MGAT5: variants seen among roughly 807,000 people sequenced by gnomAD.
MGAT5 encodes the protein alpha-1,6-mannosylglycoprotein 6-beta-N-acetylglucosaminyltransferase, also known as alpha-1,6-mannosylglycoprotein 6-beta-N-acetylglucosaminyltransferase A.
MGAT5 carries 30 observed loss-of-function variants against 94.3 expected under a neutral mutation model. The ratio of observed to expected loss-of-function variants is 0.32; its 90% confidence interval spans 0.24 to 0.43. The LOEUF is 0.43. Ranked by LOEUF, MGAT5 falls within the 20% of genes least tolerant of loss-of-function variation. The pLI is 1.00. For missense variants in MGAT5, 691 were observed against 905.5 expected, an observed-to-expected ratio of 0.76 and a Z score of 3.04; for synonymous variants, 310 against 322.9, an observed-to-expected ratio of 0.96 and a Z score of 0.43.
At chr2:134,119,984 A>C (rs1421367482), upstream of MGAT5, 3 of 151,806 alleles carry the variant, frequency 2.0e-5, no homozygotes, top group Admixed American at 2.0e-4. Context: ...TGGCTAGGGG[A>C]AGGTTGCCAG....
In MGAT5 at chr2:134,454,133, C is replaced by T. The variant is rs1380391666; in HGVS notation, c.*5286C>T. The T allele has an allele frequency of 6.6e-6, 1 of 152,218 alleles. No individual in the cohort carries two copies. The highest frequency in any genetic ancestry group is 6.5e-5 in the Admixed American group (1 of 15,274). The allele number at this position is 152,218 out of a possible 1,614,324, so 9.4% of individuals were successfully genotyped here. A position where few individuals can be genotyped will look rare whatever the true frequency, so the allele number is the denominator to read the frequency against. ...CCACCCTGACCCCACGGCTGGAGAA[C>T]CCTGTGCTTATGTGGTGGGCAGGGC... On this transcript the variant is annotated 3_prime_UTR_variant, in exon 16 of 16. Transcript: ENST00000281923.
chr2:134,234,493 C>T (rs1045729351), intron 1 of MGAT5, among the ~76,000 whole-genome samples: 1 of 152,242 alleles, frequency 6.6e-6, no homozygotes, highest in Non-Finnish European at 1.5e-5. Context: ...TAAGACACAG[C>T]AATGTGGCTC....
intron 8 of MGAT5, among the ~76,000 whole-genome samples, chr2:134,348,207 C>A (rs2106037811): frequency 6.6e-6 from 1 of 152,308 alleles, no homozygotes; most frequent in Non-Finnish European, 1.5e-5. Flanking sequence ...AAACACTGAT[C>A]AGTTCCTTGG....
At chr2:134,376,749 C>G (rs1204234393) in intron 10 of MGAT5, among the ~76,000 whole-genome samples, 3 of 152,142 alleles carry the variant, frequency 2.0e-5, no homozygotes, top group Non-Finnish European at 4.4e-5. Flanking sequence ...GGCCAGAGAC[C>G]AAAATATTGA....
chr2:134,444,312 G>A (rs1051254979), intron 15 of MGAT5, among the ~76,000 whole-genome samples: 3 of 152,208 alleles, frequency 2.0e-5, no homozygotes, highest in African/African-American at 7.2e-5. Flanking sequence ...AGGACTTGGC[G>A]TGGGGCTGTC....
intron 9 of MGAT5, among the ~76,000 whole-genome samples, chr2:134,356,457 T>G (rs1267347139): frequency 6.6e-6 from 1 of 152,222 alleles, no homozygotes; most frequent in East Asian, 1.9e-4. Context: ...TATTTGGTTG[T>G]CGATTTTATC....
At chr2:134,441,572 G>A (rs1262744934) in intron 14 of MGAT5, among the ~76,000 whole-genome samples, 186 bp from the exon 15 acceptor site, 1 of 152,196 alleles carries the variant, frequency 6.6e-6, no homozygotes, top group Non-Finnish European at 1.5e-5. Flanking sequence ...TGGTTAGGGA[G>A]GTCAAGACCT....
chr2:134,293,194 T>A (rs1470428808), intron 2 of MGAT5, among the ~76,000 whole-genome samples: 1 of 152,242 alleles, frequency 6.6e-6, no homozygotes, highest in Non-Finnish European at 1.5e-5. Context: ...TAAGCATTAC[T>A]ACTCAGTGAA....
intron 2 of MGAT5, among the ~76,000 whole-genome samples, chr2:134,313,037 A>AACACACACACACAC (rs201311442): frequency 2.2e-5 from 3 of 139,192 alleles, no homozygotes; most frequent in African/African-American, 5.6e-5. Flanking sequence ...GCAAGAAATA[A>AACACACACACACAC]ACACACACAC....
intron 10 of MGAT5, among the ~76,000 whole-genome samples, chr2:134,387,915 G>A (rs1468577123): frequency 6.6e-6 from 1 of 152,186 alleles, no homozygotes; most frequent in Non-Finnish European, 1.5e-5. Flanking sequence ...GACTTATAAG[G>A]TGATTGTTAA....
At chr2:134,151,569 CATGGGACCTCACTCACGCCCT>C (rs1342675468) in intron 1 of MGAT5, among the ~76,000 whole-genome samples, 82 of 139,670 alleles carry the variant, frequency 5.9e-4, no homozygotes, top group Non-Finnish European at 1.1e-3. Context: ...CACTCACTGC[CATGGGACCTCACTCACGCCCT>C]ATGGGACCTG....
chr2:134,320,801 T>C (rs1687268417), intron 4 of MGAT5, among the ~76,000 whole-genome samples: 2 of 152,184 alleles, frequency 1.3e-5, no homozygotes. Context: ...CCAAACAGTA[T>C]TGCTAATAGG....
At chr2:134,255,628 G>A (rs753270332) in intron 1 of MGAT5, among the ~76,000 whole-genome samples, 10 of 152,140 alleles carry the variant, frequency 6.6e-5, no homozygotes, top group Non-Finnish European at 1.0e-4. Flanking sequence ...GTCTGTAGAA[G>A]ATGACCTGTT....
rs142369748 is a variant in MGAT5, at chr2:134,124,577, C to G, written c.-143+4286C>G. Among the ~76,000 whole-genome samples the G allele has an allele frequency of 1.5e-3, 224 of 152,342 alleles. 1 individual carries two copies. Among genetic ancestry groups the G allele is most frequent in the African/African-American group, 4.8e-3 (201 of 41,570 alleles). On this transcript the variant is annotated intron_variant, in intron 1 of 16. Transcript: ENST00000409645. ...TTTGTCTTGTAAACTAGCACTCTCT[C>G]TTTGTCACCTTCACTGCCAGGCTGG...
At chr2:134,330,526 T>G (rs548450180) in intron 4 of MGAT5, among the ~76,000 whole-genome samples, 2 of 147,178 alleles carry the variant, frequency 1.4e-5, no homozygotes, top group Admixed American at 1.4e-4. Flanking sequence ...ACCCGTGTTA[T>G]AAGGCCCTAT....
At chr2:134,326,883 G>A (rs1413368585) in intron 4 of MGAT5, among the ~76,000 whole-genome samples, 1 of 152,074 alleles carries the variant, frequency 6.6e-6, no homozygotes, top group African/African-American at 2.4e-5. Flanking sequence ...AGTAAGAAGT[G>A]CAGATATCTG....
At chr2:134,220,541 A>T (rs565001308) in intron 1 of MGAT5, among the ~76,000 whole-genome samples, 2 of 152,294 alleles carry the variant, frequency 1.3e-5, no homozygotes, top group East Asian at 3.9e-4. Flanking sequence ...CTGATTTGTG[A>T]TGGCTTAGCC....
At chr2:134,432,854 T>A (rs1445800981) in intron 14 of MGAT5, among the ~76,000 whole-genome samples, 2 of 152,222 alleles carry the variant, frequency 1.3e-5, no homozygotes, top group Non-Finnish European at 2.9e-5. Flanking sequence ...CCCATGTGGG[T>A]GCTCTCAAAG....
At chr2:134,267,907 C>A (rs1235047540) in intron 1 of MGAT5, among the ~76,000 whole-genome samples, 1 of 152,254 alleles carries the variant, frequency 6.6e-6, no homozygotes, top group Non-Finnish European at 1.5e-5. Context: ...TATCACAGTT[C>A]TCTCTCCATG....
Sources: allele counts gnomAD v4.1 joint callset (sites outside exome capture counted in the v4.1 genomes callset), GRCh38; gene constraint gnomAD v4.1.1; transcripts MANE v1.5; gene names NCBI Gene and HGNC (gene_info 2026-07-23, HGNC 2026-07-21).